Variants in ACSM3 observed in about 807,000 individuals in gnomAD.
The protein encoded by ACSM3 is acyl-coenzyme A synthetase ACSM3, mitochondrial.
Under a neutral mutation model 74.1 loss-of-function variants are expected in ACSM3, and 61 were observed. That is an observed-to-expected ratio of 0.82 (90% CI 0.67 to 1.02). The LOEUF (loss-of-function observed/expected upper bound fraction) is 1.02. ACSM3 is among the 50% of genes least tolerant of loss of function. The pLI, the probability that ACSM3 is intolerant of heterozygous loss-of-function variation, is 0.00. For missense variants in ACSM3, 660 were observed against 697.0 expected, an observed-to-expected ratio of 0.95 and a Z score of 0.60; for synonymous variants, 213 against 241.5, an observed-to-expected ratio of 0.88 and a Z score of 1.09.
chr16:20,706,780 T>C (rs901182187), intron 1 of ACSM3, among the ~76,000 whole-genome samples: 3 of 152,184 alleles, frequency 2.0e-5, no homozygotes, highest in Non-Finnish European at 4.4e-5. Context: ...ACTGAGGCCC[T>C]GAAACAACCA....
chr16:20,741,793 C>T (rs1373100661), intron 1 of ACSM3: 6 of 1,547,322 alleles, frequency 3.9e-6, no homozygotes, highest in South Asian at 1.2e-5. Context: ...TGTTGGCGTC[C>T]TCGTCTATCG....
Position 20,711,537 on chromosome 16 carries a change from A to G in ACSM3, c.-190+36715A>G, listed in dbSNP as rs909815386. ...AATATATCCTCTACCGGCTGCAAGC[A>G]TCCAAGGCCAAGTGCATTGTGGCCA... is the stretch of plus-strand genomic sequence containing the variant. On this transcript the variant is annotated intron_variant, in intron 1 of 3. Transcript: ENST00000561584. 3 of 1,425,008 alleles carry G rather than the reference A, an allele frequency of 2.1e-6. No homozygotes were observed. In the African/African-American group the frequency reaches 4.2e-5, roughly 20 times the overall value. 88.3% of individuals were successfully genotyped at this position (1,425,008 alleles called of 1,614,324 possible).
At chr16:20,746,968 T>C (rs941229656) in intron 1 of ACSM3, among the ~76,000 whole-genome samples, 2 of 152,348 alleles carry the variant, frequency 1.3e-5, no homozygotes, top group Middle Eastern at 3.4e-3. Context: ...CATACAAGTC[T>C]TTCTTCTTAA....
chr16:20,741,777 C>T lies in ACSM3; in HGVS notation c.-189-8133C>T, dbSNP rs1340712460. ...CTGAGAGGAAAGAGAAACGTTTCTC[C>T]GCTGCTGTTGGCGTCCTCGTCTATC... On this transcript the variant is annotated intron_variant, in intron 1 of 3. Transcript: ENST00000561584. The T allele has an allele frequency of 1.4e-5, 21 of 1,550,422 alleles. 1 individual carries two copies. Among genetic ancestry groups the T allele is most frequent in the East Asian group, 1.2e-4 (5 of 41,102 alleles).
Position 20,797,045 on chromosome 16 carries a change from G to A in ACSM3, c.*73G>A, listed in dbSNP as rs1012324762. The A allele has an allele frequency of 1.6e-5, 25 of 1,551,310 alleles. No individual in the cohort carries two copies. The South Asian group carries it at 2.5e-4, about 16-fold the overall frequency. On this transcript the variant is annotated 3_prime_UTR_variant, in exon 14 of 14. Coordinates refer to ENST00000289416, the MANE Select transcript of ACSM3 (RefSeq NM_005622.4). ...CAATCTCTAGAAACCACAAGATGAT[G>A]GAGAGGTCATAAAAACTGTGGTAGT...
In ACSM3 at chr16:20,790,880, T is replaced by G; in HGVS notation, c.1326+192T>G. On this transcript the variant is annotated intron_variant, in intron 10 of 13. Transcript: ENST00000289416. The surrounding 1 kb of genome is among the most constrained non-coding windows in gnomAD (Gnocchi z 4.0). ...TTCTTGCTGAAGAAAAGCATGCTGGTCCCCTGAGGCCAGATCACTGTTCCA... is the reference window on the plus strand; with the variant it reads ...TTCTTGCTGAAGAAAAGCATGCTGGGCCCCTGAGGCCAGATCACTGTTCCA... 1 of 1,613,970 alleles carries G rather than the reference T, an allele frequency of 6.2e-7. No homozygotes were observed. Among genetic ancestry groups the G allele is most frequent in the Non-Finnish European group, 8.5e-7 (1 of 1,179,942 alleles).
intron 1 of ACSM3, chr16:20,741,480 G>GGGGGGGGGGC: frequency 5.2e-6 from 7 of 1,340,418 alleles, no homozygotes; most frequent in African/African-American, 1.5e-5. Flanking sequence ...CCTGGCAGCC[G>GGGGGGGGGGC]GCCCGCCCGC....
intron 4 of ACSM3, among the ~76,000 whole-genome samples, chr16:20,778,803 T>G (rs1419882686): frequency 6.6e-6 from 1 of 151,714 alleles, no homozygotes; most frequent in Admixed American, 6.6e-5. Flanking sequence ...CAGGCTGGAG[T>G]GTAGTGGCGC....
chr16:20,754,459 A>T (rs1596500490), intron 2 of ACSM3, among the ~76,000 whole-genome samples: 1 of 152,226 alleles, frequency 6.6e-6, no homozygotes, highest in African/African-American at 2.4e-5. Context: ...ACAGGCAGCC[A>T]ACTGGGCTTT....
At chr16:20,724,375 T>C (rs1167866413) in intron 1 of ACSM3, among the ~76,000 whole-genome samples, 2 of 152,332 alleles carry the variant, frequency 1.3e-5, no homozygotes, top group African/African-American at 4.8e-5. Flanking sequence ...TGATGGGACA[T>C]ATCTCAAAAT....
chr16:20,736,649 C>T, intron 1 of ACSM3: 1 of 494,320 alleles, frequency 2.0e-6, no homozygotes, highest in South Asian at 3.2e-5. Flanking sequence ...CTCCTATCCT[C>T]CCCTCTTTGC....
upstream of ACSM3, among the ~76,000 whole-genome samples, chr16:20,760,139 C>A (rs2080065320): frequency 6.6e-6 from 1 of 152,150 alleles, no homozygotes; most frequent in Non-Finnish European, 1.5e-5. Flanking sequence ...GATCCAAATT[C>A]TAAAATGACT....
chr16:20,687,970 A>C (rs1436296444), intron 1 of ACSM3, among the ~76,000 whole-genome samples: 2 of 151,990 alleles, frequency 1.3e-5, no homozygotes, highest in African/African-American at 2.4e-5. Flanking sequence ...CTGTAATCCC[A>C]GCTACTCAGG....
intron 2 of ACSM3, among the ~76,000 whole-genome samples, chr16:20,750,192 A>G (rs926212236): frequency 5.9e-5 from 9 of 152,202 alleles, no homozygotes; most frequent in African/African-American, 2.2e-4. Context: ...TATCTATCCC[A>G]CTTACTCCCT....
intron 1 of ACSM3, among the ~76,000 whole-genome samples, chr16:20,693,518 C>A (rs2079673941): frequency 1.3e-5 from 2 of 152,156 alleles, no homozygotes; most frequent in African/African-American, 4.8e-5. Flanking sequence ...TTTAAGTTCC[C>A]TCTTGCTCAC....
chr16:20,698,052 G>C (rs1337172340), intron 1 of ACSM3, among the ~76,000 whole-genome samples: 1 of 151,862 alleles, frequency 6.6e-6, no homozygotes, highest in Non-Finnish European at 1.5e-5. Context: ...AAATTAGCCG[G>C]GTGTGGTGGT....
chr16:20,753,515 T>C (rs1484545371), intron 2 of ACSM3, among the ~76,000 whole-genome samples: 1 of 151,458 alleles, frequency 6.6e-6, no homozygotes, highest in East Asian at 1.9e-4. Context: ...TGAAAAATTA[T>C]ATTAATAGAG....
chr16:20,745,816 A>C (rs2079955469), intron 1 of ACSM3, among the ~76,000 whole-genome samples: 1 of 152,088 alleles, frequency 6.6e-6, no homozygotes, highest in Non-Finnish European at 1.5e-5. Flanking sequence ...TTCTACTTGT[A>C]TGTTCAGTAC....
intron 1 of ACSM3, chr16:20,680,940 C>T (rs1308827502): frequency 6.6e-6 from 1 of 152,188 alleles, no homozygotes; most frequent in Admixed American, 6.5e-5. Context: ...GCAAGGGGAA[C>T]TCTTATGGTA....
Sources: gnomAD v4.1 joint callset for allele counts (sites outside exome capture counted in the v4.1 genomes callset) on GRCh38, gnomAD v4.1.1 for gene constraint, Gnocchi (gnomAD v3.1) non-coding constraint, MANE v1.5 for transcripts, NCBI Gene and HGNC (gene_info 2026-07-23, HGNC 2026-07-21) for gene names.